COP1: variants seen among roughly 807,000 people sequenced by gnomAD.
The protein encoded by COP1 is COP1 E3 ubiquitin ligase.
Under a neutral mutation model 101.3 loss-of-function variants are expected in COP1, and 24 were observed. The ratio of observed to expected loss-of-function variants is 0.24; its 90% confidence interval spans 0.17 to 0.33. COP1 has a LOEUF of 0.33. Among genes scored for constraint, COP1 ranks in the 10% least tolerant of loss-of-function variants. The probability of loss-of-function intolerance (pLI) is 1.00; values close to 1 mark genes in which losing one functional copy is unlikely to be tolerated. For missense variants in COP1, 663 were observed against 906.2 expected, an observed-to-expected ratio of 0.73 and a Z score of 3.45; for synonymous variants, 347 against 341.9, an observed-to-expected ratio of 1.01 and a Z score of -0.17.
At chr1:176,027,447 T>C (rs1031013397) in intron 15 of COP1, 125 bp downstream of exon 15, 15 of 682,612 alleles carry the variant, frequency 2.2e-5, no homozygotes, top group Non-Finnish European at 3.9e-5. Context: ...ACTTCTAATT[T>C]AGAGCCTAAT....
At chr1:176,127,597 A>ATATG (rs1688229052) in intron 8 of COP1, among the ~76,000 whole-genome samples, 1 of 47,070 alleles carries the variant, frequency 2.1e-5, no homozygotes. Context: ...GTGTATGTGT[A>ATATG]TATATGTGTG....
At chr1:175,957,000 G>C (rs1283966426) in intron 18 of COP1, among the ~76,000 whole-genome samples, 1 of 152,010 alleles carries the variant, frequency 6.6e-6, no homozygotes, top group Non-Finnish European at 1.5e-5. Flanking sequence ...AAAGCTTACA[G>C]AATAAGGAAA....
chr1:176,189,549 A>G (rs1228873929), intron 1 of COP1, among the ~76,000 whole-genome samples: 1 of 152,076 alleles, frequency 6.6e-6, no homozygotes, highest in Non-Finnish European at 1.5e-5. Context: ...CAAATTTAAG[A>G]GAATTTGCTG....
At chr1:176,133,839 G>A (rs1485291467) in intron 8 of COP1, 5 of 453,990 alleles carry the variant, frequency 1.1e-5, no homozygotes, top group Admixed American at 2.4e-5. Flanking sequence ...TTCCCTGTAT[G>A]TACTTACATA....
chr1:176,046,664 C>T (rs748308778), intron 11 of COP1, among the ~76,000 whole-genome samples: 42 of 151,854 alleles, frequency 2.8e-4, no homozygotes, highest in Non-Finnish European at 5.4e-4. Flanking sequence ...TAAAAGTATG[C>T]CAAAAGACAA....
At chr1:176,133,870 G>T (rs557204686) in intron 8 of COP1, 18 of 455,042 alleles carry the variant, frequency 4.0e-5, no homozygotes, top group African/African-American at 3.2e-4. Flanking sequence ...CATTGACAAA[G>T]ATCCTGTGCA....
At chr1:176,159,978 G>A (rs1404986388) in intron 5 of COP1, among the ~76,000 whole-genome samples, 1 of 152,122 alleles carries the variant, frequency 6.6e-6, no homozygotes, top group Non-Finnish European at 1.5e-5. Context: ...GTACTTTTCT[G>A]TATGCTGGAA....
At chr1:176,123,813 A>T (rs765271208) in intron 8 of COP1, among the ~76,000 whole-genome samples, 1 of 152,222 alleles carries the variant, frequency 6.6e-6, no homozygotes, top group Non-Finnish European at 1.5e-5. Context: ...GAAAATAAGC[A>T]TGTCAGATTT....
rs867336492 is a variant in COP1, at chr1:176,057,382, C to T, written c.1278-11058G>A. On this transcript the variant is annotated intron_variant, in intron 11 of 19. Transcript: ENST00000367669. The stretch of plus-strand genomic sequence containing the variant: ...TCTTTCCACGATCTCCCTCTGATGC[C>T]GAGCGGAAGCTGAACTGTACTGCTG... 7.2e-5 allele frequency among the ~76,000 whole-genome samples: 11 copies of T among 152,292 alleles called. No homozygotes were observed. In the Middle Eastern group the frequency reaches 0.017, roughly 235 times the overall value.
intron 15 of COP1, among the ~76,000 whole-genome samples, chr1:175,991,094 A>T (rs1348196671): frequency 6.6e-6 from 1 of 152,056 alleles, no homozygotes; most frequent in East Asian, 1.9e-4. Context: ...CAGATTTTGG[A>T]TTTGAGATGC....
intron 15 of COP1, among the ~76,000 whole-genome samples, chr1:176,025,799 A>G (rs1329467923): frequency 6.6e-6 from 1 of 152,066 alleles, no homozygotes; most frequent in Non-Finnish European, 1.5e-5. Context: ...CTGAGGTTGG[A>G]GGATCACTTG....
intron 6 of COP1, among the ~76,000 whole-genome samples, chr1:176,145,209 A>T (rs1691386847): frequency 6.6e-6 from 1 of 152,248 alleles, no homozygotes; most frequent in Non-Finnish European, 1.5e-5. Context: ...TCACACACAA[A>T]CATAAAAAAA....
At chr1:176,172,996 TCAAGATAACTTCTAG>T (rs1696323409) in intron 3 of COP1, among the ~76,000 whole-genome samples, 1 of 152,166 alleles carries the variant, frequency 6.6e-6, no homozygotes, top group East Asian at 1.9e-4. Context: ...GAGATCACCG[TCAAGATAACTTCTAG>T]CTTAAAAAAT....
intron 3 of COP1, among the ~76,000 whole-genome samples, chr1:176,172,348 G>C (rs1411422547): frequency 6.6e-6 from 1 of 152,166 alleles, no homozygotes; most frequent in Non-Finnish European, 1.5e-5. Context: ...GGCCAAAATT[G>C]TATTCTTTAC....
At chr1:176,165,842 C>T (rs12145703) in intron 3 of COP1, among the ~76,000 whole-genome samples, 1 of 152,028 alleles carries the variant, frequency 6.6e-6, no homozygotes, top group South Asian at 2.1e-4. Flanking sequence ...CTGCAGATAC[C>T]TTACACAAGA....
chr1:176,048,274 C>T (rs1671869668), intron 11 of COP1, among the ~76,000 whole-genome samples: 2 of 141,798 alleles, frequency 1.4e-5, no homozygotes. Flanking sequence ...CTCAAGCAAT[C>T]CTCCCACCTC....
chr1:176,173,336 A>AC (rs1349599092), intron 3 of COP1, among the ~76,000 whole-genome samples: 3 of 148,756 alleles, frequency 2.0e-5, no homozygotes, highest in Non-Finnish European at 4.4e-5. Context: ...AAAAAAAAAA[A>AC]AAAAAAAACC....
chr1:176,085,738 G>T, intron 10 of COP1, 38 bp downstream of exon 10: 1 of 1,196,938 alleles, frequency 8.4e-7, no homozygotes, highest in Non-Finnish European at 1.2e-6. Context: ...GATCTGAAAT[G>T]TAGATTTCAG....
chr1:175,999,502 A>G (rs1661085638), intron 15 of COP1, among the ~76,000 whole-genome samples: 1 of 151,848 alleles, frequency 6.6e-6, no homozygotes, highest in Admixed American at 6.6e-5. Flanking sequence ...TCCCTTATTC[A>G]TTCATCTGTT....
Sources: gnomAD v4.1 joint callset for allele counts (sites outside exome capture counted in the v4.1 genomes callset) on GRCh38, gnomAD v4.1.1 for gene constraint, MANE v1.5 for transcripts, NCBI Gene and HGNC (gene_info 2026-07-23, HGNC 2026-07-21) for gene names.